Variants in RAD51B observed in about 807,000 individuals in gnomAD.
RAD51B encodes the protein DNA repair protein RAD51 homolog 2.
Under a neutral mutation model 42.2 loss-of-function variants are expected in RAD51B, and 38 were observed. The observed-to-expected ratio is 0.90, with a 90% CI of 0.70 to 1.18. The LOEUF (loss-of-function observed/expected upper bound fraction) is 1.18, where lower values mean the gene tolerates loss of function less well. Ranked by LOEUF, RAD51B falls within the 50% of genes most tolerant of loss-of-function variation. The pLI is 0.00. For missense variants in RAD51B, 373 were observed against 400.7 expected, an observed-to-expected ratio of 0.93 and a Z score of 0.59; for synonymous variants, 154 against 145.2, an observed-to-expected ratio of 1.06 and a Z score of -0.43.
At chr14:68,052,265 T>C (rs1215705016) in intron 7 of RAD51B, among the ~76,000 whole-genome samples, 4 of 152,230 alleles carry the variant, frequency 2.6e-5, no homozygotes, top group Non-Finnish European at 5.9e-5. Context: ...AGTGTATTTC[T>C]TTGGCTTCTG....
chr14:68,480,257 A>G (rs1177779484), downstream of RAD51B, among the ~76,000 whole-genome samples: 1 of 151,640 alleles, frequency 6.6e-6, no homozygotes, highest in African/African-American at 2.4e-5. Flanking sequence ...ACTTTTTTTT[A>G]GTAGAGATGA....
chr14:68,448,376 T>G (rs1425556860), intron 9 of RAD51B, among the ~76,000 whole-genome samples: 3 of 152,236 alleles, frequency 2.0e-5, no homozygotes. Flanking sequence ...CAGTTCACCC[T>G]AAGCAAGGAA....
At chr14:68,155,028 A>T (rs1595481042) in intron 7 of RAD51B, among the ~76,000 whole-genome samples, 1 of 152,168 alleles carries the variant, frequency 6.6e-6, no homozygotes, top group Non-Finnish European at 1.5e-5. Context: ...ACATTTGCAT[A>T]ACACAATTTT....
chr14:68,090,535 G>A (rs1365727696), intron 7 of RAD51B, among the ~76,000 whole-genome samples: 2 of 152,030 alleles, frequency 1.3e-5, no homozygotes, highest in African/African-American at 4.8e-5. Flanking sequence ...TGATTCTATA[G>A]TAAAATAATG....
chr14:68,024,923 G>T (rs879887174), intron 7 of RAD51B, among the ~76,000 whole-genome samples: 1 of 151,950 alleles, frequency 6.6e-6, no homozygotes, highest in South Asian at 2.1e-4. Context: ...CCTTTTTCTT[G>T]TTCCAGTTCT....
At chr14:68,310,069 TA>T (rs2081938480) in intron 8 of RAD51B, among the ~76,000 whole-genome samples, 1 of 152,240 alleles carries the variant, frequency 6.6e-6, no homozygotes, top group Admixed American at 6.5e-5. Flanking sequence ...GGCATGGAAA[TA>T]CTTTCATTGA....
intron 9 of RAD51B, among the ~76,000 whole-genome samples, chr14:68,432,060 T>C (rs572216408): frequency 3.3e-4 from 50 of 152,298 alleles, no homozygotes; most frequent in African/African-American, 1.0e-3. Flanking sequence ...GTTGAGCGGT[T>C]TTGAGTGAGT....
intron 7 of RAD51B, among the ~76,000 whole-genome samples, chr14:68,001,517 GTTTA>G (rs553760604): frequency 6.6e-6 from 1 of 152,080 alleles, no homozygotes. Context: ...AGGTAATGGA[GTTTA>G]TTTATTTATT....
downstream of RAD51B, among the ~76,000 whole-genome samples, chr14:68,613,181 C>T (rs1199555309): frequency 6.6e-6 from 1 of 151,748 alleles, no homozygotes; most frequent in Non-Finnish European, 1.5e-5. Context: ...TTTGGGAGGC[C>T]AAGGTGGGCA....
rs1167275769 is a variant in RAD51B at position 68,540,604 on chromosome 14, A to G, written c.1037-53881A>G. 5.1e-6 allele frequency: 5 copies of G among 985,310 alleles called. No individual in the cohort carries two copies. The South Asian group carries it at 1.4e-4, about 28-fold the overall frequency. 61.0% of individuals were successfully genotyped at this position (985,310 alleles called of 1,614,324 possible). A position where few individuals can be genotyped will look rare whatever the true frequency, so the allele number is the denominator to read the frequency against. ...GTTCTAGGTGCTGTGCAAGTATATA[A>G]TGACACCCCCCAACCCAAAGAAAGT... is the stretch of plus-strand genomic sequence containing the variant. On this transcript the variant is annotated intron_variant, in intron 10 of 10. Transcript: ENST00000487270.
chr14:68,358,303 C>A (rs944798647), intron 8 of RAD51B, among the ~76,000 whole-genome samples: 1 of 152,174 alleles, frequency 6.6e-6, no homozygotes, highest in Non-Finnish European at 1.5e-5. Flanking sequence ...TTGCCACAAA[C>A]GTTCAATTTG....
intron 10 of RAD51B, among the ~76,000 whole-genome samples, chr14:68,547,315 C>G (rs1409870094): frequency 6.6e-6 from 1 of 152,252 alleles, no homozygotes; most frequent in African/African-American, 2.4e-5. Flanking sequence ...CCATCTGTTT[C>G]TAAAGACACC....
intron 8 of RAD51B, among the ~76,000 whole-genome samples, chr14:68,387,778 C>T (rs987998763): frequency 6.6e-5 from 10 of 152,292 alleles, no homozygotes; most frequent in African/African-American, 2.4e-4. Flanking sequence ...TCTACCACTA[C>T]AACCACTAAA....
chr14:67,916,443 T>C (rs1436029419), intron 7 of RAD51B, among the ~76,000 whole-genome samples: 1 of 152,194 alleles, frequency 6.6e-6, no homozygotes, highest in Non-Finnish European at 1.5e-5. Flanking sequence ...GGTTTCGCCA[T>C]GTTGCCCAGG....
intron 10 of RAD51B, chr14:68,563,508 CTT>C: frequency 3.0e-6 from 3 of 985,478 alleles, no homozygotes; most frequent in Non-Finnish European, 3.6e-6. Flanking sequence ...AGAAAACATT[CTT>C]CCATAAGTAG....
chr14:68,127,363 A>G (rs1306042212), intron 7 of RAD51B, among the ~76,000 whole-genome samples: 1 of 152,176 alleles, frequency 6.6e-6, no homozygotes, highest in East Asian at 1.9e-4. Context: ...CGATTTGTTT[A>G]TATAGCTGTC....
chr14:68,206,937 C>T (rs1407466959), intron 7 of RAD51B, among the ~76,000 whole-genome samples: 1 of 152,034 alleles, frequency 6.6e-6, no homozygotes, highest in Non-Finnish European at 1.5e-5. Context: ...CTACAGGCGC[C>T]CGCCAACGCG....
chr14:68,170,157 C>A (rs1486819635), intron 7 of RAD51B, among the ~76,000 whole-genome samples: 1 of 152,126 alleles, frequency 6.6e-6, no homozygotes, highest in Non-Finnish European at 1.5e-5. Context: ...TAGGAGGGAA[C>A]CTACTCTACT....
At chr14:68,662,237 A>G (rs934710897) in intron 11 of RAD51B, among the ~76,000 whole-genome samples, 2 of 152,252 alleles carry the variant, frequency 1.3e-5, no homozygotes, top group Non-Finnish European at 2.9e-5. Flanking sequence ...TTTACAGTCA[A>G]CACACACCCC....
Sources: allele counts gnomAD v4.1 joint callset (sites outside exome capture counted in the v4.1 genomes callset), GRCh38; gene constraint gnomAD v4.1.1; transcripts MANE v1.5; gene names NCBI Gene and HGNC (gene_info 2026-07-23, HGNC 2026-07-21).